PLCH1: variants seen among roughly 807,000 people sequenced by gnomAD.
PLCH1 encodes the protein 1-phosphatidylinositol 4,5-bisphosphate phosphodiesterase eta-1.
A neutral mutation model predicts 126.7 loss-of-function variants in PLCH1; 60 were observed. The observed-to-expected ratio is 0.47, with a 90% CI of 0.38 to 0.59. The LOEUF is 0.59. PLCH1 is among the 20% of genes least tolerant of loss of function. PLCH1 has a pLI of 0.00. For synonymous variants in PLCH1, 719 were observed against 734.9 expected, an observed-to-expected ratio of 0.98 and a Z score of 0.35; for missense variants, 1,723 against 2,040.0, an observed-to-expected ratio of 0.84 and a Z score of 2.99.
At chr3:155,699,981 G>A (rs1041279721) in intron 2 of PLCH1, among the ~76,000 whole-genome samples, 7 of 152,038 alleles carry the variant, frequency 4.6e-5, no homozygotes, top group East Asian at 3.9e-4. Context: ...TCATACCCCC[G>A]GCCTGAAGAA....
chr3:155,706,130 C>CT (rs1255397253), intron 1 of PLCH1, among the ~76,000 whole-genome samples: 2 of 131,710 alleles, frequency 1.5e-5, no homozygotes, highest in East Asian at 2.5e-4. Flanking sequence ...GGTGAGACAG[C>CT]GCCACTGCAC....
Position 155,546,501 on chromosome 3 carries a change from C to T in PLCH1, c.1362+3286G>A, listed in dbSNP as rs891135884. On this transcript the variant is annotated intron_variant, in intron 10 of 22. Transcript: ENST00000460012. ...TAGATTCAATGCCATCCCCATCAAG[C>T]TACCAATGACTTTCTTCACAGAATT... Among the ~76,000 whole-genome samples the T allele has an allele frequency of 2.0e-3, 305 of 152,258 alleles. 1 individual carries two copies. The highest frequency in any genetic ancestry group is 6.9e-3 in the African/African-American group (288 of 41,566).
chr3:155,491,252 CGTTTTTT>C (rs1292244959), intron 18 of PLCH1, among the ~76,000 whole-genome samples: 2 of 151,968 alleles, frequency 1.3e-5, no homozygotes, highest in African/African-American at 2.4e-5. Flanking sequence ...GTGGAATATA[CGTTTTTT>C]GTTTTTTGTT....
intron 2 of PLCH1, among the ~76,000 whole-genome samples, chr3:155,597,215 C>G (rs937590089): frequency 4.6e-5 from 7 of 152,158 alleles, no homozygotes; most frequent in Non-Finnish European, 1.5e-5. Context: ...AGTAGACACA[C>G]CTGACTTAAG....
chr3:155,681,645 T>G (rs1744547213), intron 2 of PLCH1, among the ~76,000 whole-genome samples: 1 of 152,226 alleles, frequency 6.6e-6, no homozygotes, highest in African/African-American at 2.4e-5. Flanking sequence ...TTAGGAAATT[T>G]CACTGTGCAC....
intron 2 of PLCH1, among the ~76,000 whole-genome samples, chr3:155,649,456 C>T (rs963250101): frequency 5.3e-5 from 8 of 152,256 alleles, no homozygotes; most frequent in Admixed American, 2.0e-4. Context: ...AGGGTGTGCA[C>T]ACCCCAAGTA....
chr3:155,609,800 A>G (rs1310378206), intron 2 of PLCH1, among the ~76,000 whole-genome samples: 1 of 152,134 alleles, frequency 6.6e-6, no homozygotes, highest in African/African-American at 2.4e-5. Flanking sequence ...AAAACTTCAG[A>G]GCTCAAAGAC....
At chr3:155,490,950 G>T in intron 18 of PLCH1, 82 bp from the exon 19 acceptor site, 2 of 779,014 alleles carry the variant, frequency 2.6e-6, no homozygotes, top group East Asian at 2.7e-5. Flanking sequence ...TGGCCAAAAT[G>T]TCTACATTTC....
chr3:155,695,957 G>A (rs1425838428), intron 2 of PLCH1, among the ~76,000 whole-genome samples: 1 of 152,210 alleles, frequency 6.6e-6, no homozygotes, highest in Non-Finnish European at 1.5e-5. Flanking sequence ...TACCAGGGCA[G>A]GAAGGAATTC....
intron 2 of PLCH1, among the ~76,000 whole-genome samples, chr3:155,627,764 C>A (rs55896141): frequency 6.6e-6 from 1 of 150,388 alleles, no homozygotes; most frequent in Admixed American, 6.6e-5. Flanking sequence ...AAAAAGTTAT[C>A]GGAGATTTTT....
intron 12 of PLCH1, 120 bp downstream of exon 12, chr3:155,514,603 C>G (rs1374551210): frequency 1.6e-6 from 1 of 636,888 alleles, no homozygotes; most frequent in African/African-American, 1.9e-5. Context: ...TTTCATTTCT[C>G]AAGCAAAATG....
chr3:155,455,739 A>G (rs773258461), intron 21 of PLCH1, among the ~76,000 whole-genome samples: 1 of 152,260 alleles, frequency 6.6e-6, no homozygotes. Flanking sequence ...TTAAGCACAC[A>G]GAATATTCTT....
chr3:155,497,564 G>A, intron 14 of PLCH1, 147 bp from the exon 15 acceptor site: 1 of 620,638 alleles, frequency 1.6e-6, no homozygotes, highest in Non-Finnish European at 2.9e-6. Context: ...GCACCCAAGT[G>A]TGCTTCCTAG....
chr3:155,474,057 A>C (rs1713407981), intron 21 of PLCH1, among the ~76,000 whole-genome samples: 1 of 152,200 alleles, frequency 6.6e-6, no homozygotes, highest in Non-Finnish European at 1.5e-5. Context: ...AGTGGCAACA[A>C]AAGCCAACAT....
chr3:155,712,884 T>C (rs1416361890), intron 1 of PLCH1, among the ~76,000 whole-genome samples: 1 of 151,812 alleles, frequency 6.6e-6, no homozygotes, highest in African/African-American at 2.4e-5. Flanking sequence ...CCAATCTCCT[T>C]CAGTATCCTT....
chr3:155,488,244 C>A, intron 20 of PLCH1, 137 bp from the exon 21 acceptor site: 1 of 618,378 alleles, frequency 1.6e-6, no homozygotes, highest in Non-Finnish European at 2.9e-6. Context: ...GTTGCCCAGG[C>A]TGGAATGCAG....
rs1250389364 is a variant in PLCH1, at chr3:155,482,129, G to T, written c.3897C>A (p.Ser1299=). ...GTAACCAGCCACGAGAAGTATTAGGGGATCCAGGCAGGTTGCTTTCTAAGG... is the reference window on the plus strand; with the variant it reads ...GTAACCAGCCACGAGAAGTATTAGGTGATCCAGGCAGGTTGCTTTCTAAGG... ...TAALESNLPG[S]PNTSRGWLPK... is the part of the protein sequence containing the mutation. Residue 1299 remains serine, a synonymous_variant, in exon 23 of 23, where the codon TCC becomes TCA. Transcript: ENST00000460012. The T allele has an allele frequency of 1.2e-6, 2 of 1,614,084 alleles. No individual in the cohort carries two copies. Among genetic ancestry groups the T allele is most frequent in the East Asian group, 4.5e-5 (2 of 44,872 alleles).
At chr3:155,741,592 T>C (rs1749622810) in intron 1 of PLCH1, among the ~76,000 whole-genome samples, 1 of 151,668 alleles carries the variant, frequency 6.6e-6, no homozygotes, top group Admixed American at 6.6e-5. Context: ...TTAAATTCAC[T>C]AAAAATGTCT....
intron 11 of PLCH1, among the ~76,000 whole-genome samples, chr3:155,521,590 G>A (rs1721112806): frequency 6.6e-6 from 1 of 152,120 alleles, no homozygotes; most frequent in African/African-American, 2.4e-5. Flanking sequence ...ACTATCCAAA[G>A]TACACCCTCT....
Sources: gnomAD v4.1 joint callset for allele counts (sites outside exome capture counted in the v4.1 genomes callset) on GRCh38, gnomAD v4.1.1 for gene constraint, MANE v1.5 for transcripts, NCBI Gene and HGNC (gene_info 2026-07-23, HGNC 2026-07-21) for gene names.